Variants in CPXM2 observed in about 807,000 individuals in gnomAD.
The protein encoded by CPXM2 is carboxypeptidase X, M14 family member 2.
In CPXM2, 66 loss-of-function variants were observed where a neutral mutation model predicts 86.1. The observed-to-expected ratio is 0.77, with a 90% CI of 0.63 to 0.94. CPXM2 has a LOEUF of 0.94. CPXM2 is among the 40% of genes least tolerant of loss of function. CPXM2 has a pLI of 0.00. For missense variants in CPXM2, 948 were observed against 1,026.3 expected (o/e 0.92, Z 1.04); for synonymous variants, 388 against 400.2 (o/e 0.97, Z 0.36).
At chr10:123,853,928 G>C (rs960401602) in intron 3 of CPXM2, among the ~76,000 whole-genome samples, 1 of 151,850 alleles carries the variant, frequency 6.6e-6, no homozygotes, top group African/African-American at 2.4e-5. Flanking sequence ...AAGAAAGAAA[G>C]AATCTGCTGT....
chr10:123,750,576 A>G (rs1217924649), intron 13 of CPXM2: 1 of 974,812 alleles, frequency 1.0e-6, no homozygotes, highest in African/African-American at 1.8e-5. Flanking sequence ...AGTGTGTAGT[A>G]AACTTTTAAA....
intron 7 of CPXM2, among the ~76,000 whole-genome samples, chr10:123,772,972 G>C (rs1370851702): frequency 7.0e-6 from 1 of 143,308 alleles, no homozygotes; most frequent in Non-Finnish European, 1.5e-5. Flanking sequence ...TCTCTTGTTT[G>C]TGGTCACCAC....
intron 4 of CPXM2, among the ~76,000 whole-genome samples, chr10:123,817,469 A>G (rs1254672810): frequency 1.3e-5 from 2 of 152,154 alleles, no homozygotes; most frequent in South Asian, 4.2e-4. Flanking sequence ...CTTTGGTGTA[A>G]ACTGAACATT....
chr10:123,761,110 C>T (rs1330159552), intron 11 of CPXM2, among the ~76,000 whole-genome samples: 2 of 152,180 alleles, frequency 1.3e-5, no homozygotes, highest in Non-Finnish European at 2.9e-5. Flanking sequence ...ATGTGGACCG[C>T]GGGGCCCTCT....
upstream of CPXM2, among the ~76,000 whole-genome samples, chr10:123,894,910 T>A (rs1323814467): frequency 6.6e-6 from 1 of 152,012 alleles, no homozygotes; most frequent in Non-Finnish European, 1.5e-5. Flanking sequence ...TGCCGTCCAC[T>A]CTTCCTTCAA....
intron 4 of CPXM2, among the ~76,000 whole-genome samples, chr10:123,838,778 C>T (rs12242058): frequency 0.082 from 12,471 of 152,264 alleles, 571 homozygotes; most frequent in Middle Eastern, 0.18. Context: ...GCCTGCGACC[C>T]TGCAGAACCT....
intron 3 of CPXM2, among the ~76,000 whole-genome samples, chr10:123,846,821 A>G (rs1028229879): frequency 2.0e-5 from 3 of 152,072 alleles, no homozygotes; most frequent in Non-Finnish European, 4.4e-5. Flanking sequence ...AGGACTAAAA[A>G]CCACTGAACA....
At position 123,762,902 on chromosome 10, in the gene CPXM2, G is replaced by T. The variant is rs140711815; in HGVS notation, c.1480-733C>A. Among the ~76,000 whole-genome samples the T allele has an allele frequency of 1.2e-3, 177 of 152,298 alleles. 2 individuals are homozygous for T. The highest frequency in any genetic ancestry group is 3.9e-3 in the Admixed American group (59 of 15,302). ...ATTTCACCATGCAGTACAGAAAACT[G>T]AGTAAGGGATGAAATGGACTTGGGA... On this transcript the variant is annotated intron_variant, in intron 10 of 13. Coordinates refer to ENST00000241305, the MANE Select transcript of CPXM2 (RefSeq NM_198148.3).
upstream of CPXM2, among the ~76,000 whole-genome samples, chr10:123,895,660 G>T (rs1316303038): frequency 1.3e-5 from 2 of 152,140 alleles, no homozygotes; most frequent in African/African-American, 4.8e-5. Flanking sequence ...CTCAGGACTG[G>T]AACCCTCAGG....
rs140884002 is a variant in CPXM2, at chr10:123,781,649, G to A, written c.890-1394C>T. Among the ~76,000 whole-genome samples, 519 of 152,326 alleles carry A rather than the reference G, an allele frequency of 3.4e-3. 3 individuals carry two copies. Among genetic ancestry groups the A allele is most frequent in the African/African-American group, 0.012 (506 of 41,552 alleles). On this transcript the variant is annotated intron_variant, in intron 6 of 13. Transcript: ENST00000241305. ...GGGGCAGTAGGGGGCCGAACACTCT[G>A]TGTTATGTGGAGCAGCGAGGCCAGA...
intron 4 of CPXM2, among the ~76,000 whole-genome samples, chr10:123,822,988 G>C (rs1237483414): frequency 2.0e-5 from 3 of 152,092 alleles, no homozygotes; most frequent in Admixed American, 6.6e-5. Flanking sequence ...CTGCTGAGTT[G>C]TACACATTAA....
rs564280487 is a variant in CPXM2, at chr10:123,781,321, T to C, written c.890-1066A>G. Among the ~76,000 whole-genome samples the C allele has an allele frequency of 6.6e-5, 10 of 152,300 alleles. No individual in the cohort carries two copies. The South Asian group carries it at 2.1e-3, about 32-fold the overall frequency. On this transcript the variant is annotated intron_variant, in intron 6 of 13. Coordinates refer to ENST00000241305, the MANE Select transcript of CPXM2 (RefSeq NM_198148.3). ...CTCCCTCTCTGCATTCCTATAAGCC[T>C]GTATGGTTTATATAGTTACAAAACC...
intron 12 of CPXM2, among the ~76,000 whole-genome samples, chr10:123,755,789 G>A (rs574856346): frequency 1.6e-4 from 25 of 152,252 alleles, no homozygotes; most frequent in Middle Eastern, 3.4e-3. Context: ...ATGACTTTAC[G>A]CATATTTCGA....
chr10:123,885,478 G>A lies in CPXM2; in HGVS notation c.305-5169C>T, dbSNP rs1179323497. Among the ~76,000 whole-genome samples the A allele has an allele frequency of 2.0e-5, 3 of 152,180 alleles. No individual in the cohort carries two copies. The highest frequency in any genetic ancestry group is 4.4e-5 in the Non-Finnish European group (3 of 68,024). On this transcript the variant is annotated intron_variant, in intron 1 of 13. Transcript: ENST00000241305. This position sits in a 1 kb window ranked among gnomAD's most constrained non-coding sequence, Gnocchi z 4.0. ...AAAACTCACCATGGAGCACCTACCT[G>A]TGCCTAGCATGAACCAGGCATTCCA...
intron 2 of CPXM2, among the ~76,000 whole-genome samples, chr10:123,927,463 C>G (rs1357446086): frequency 1.3e-5 from 2 of 152,204 alleles, no homozygotes; most frequent in African/African-American, 4.8e-5. Flanking sequence ...CCTCACATGC[C>G]TTTAACTCAT....
chr10:123,894,574 A>G (rs143770069), upstream of CPXM2, among the ~76,000 whole-genome samples: 7 of 152,312 alleles, frequency 4.6e-5, 1 homozygote, highest in African/African-American at 1.7e-4. Context: ...GTCAGAGCTC[A>G]TGAAGTTTAG....
chr10:123,883,660 G>A (rs1945131826), intron 1 of CPXM2, among the ~76,000 whole-genome samples: 1 of 152,218 alleles, frequency 6.6e-6, no homozygotes, highest in Non-Finnish European at 1.5e-5. Flanking sequence ...GATTCTAACA[G>A]GGTCTCTGCA....
chr10:123,913,977 G>C (rs150353728), intron 2 of CPXM2: 1 of 481,248 alleles, frequency 2.1e-6, no homozygotes, highest in East Asian at 6.0e-5. Context: ...GTGAGCACCA[G>C]AGTCAGGCCA....
intron 3 of CPXM2, among the ~76,000 whole-genome samples, chr10:123,852,269 CATTAGATT>C (rs888736444): frequency 1.1e-4 from 17 of 152,270 alleles, no homozygotes; most frequent in African/African-American, 3.4e-4. Flanking sequence ...TTCATCTCCC[CATTAGATT>C]ACTAGATTAT....
Sources: gnomAD v4.1 joint callset for allele counts (sites outside exome capture counted in the v4.1 genomes callset) on GRCh38, gnomAD v4.1.1 for gene constraint, Gnocchi (gnomAD v3.1) non-coding constraint, MANE v1.5 for transcripts, NCBI Gene and HGNC (gene_info 2026-07-23, HGNC 2026-07-21) for gene names.